The following FNBP1 variants were observed in gnomAD, a reference collection of about 807,000 sequenced individuals.
FNBP1 encodes the protein formin-binding protein 1.
FNBP1 carries 26 observed loss-of-function variants against 90.6 expected under a neutral mutation model. That is an observed-to-expected ratio of 0.29 (90% confidence interval 0.21 to 0.40). FNBP1 has a LOEUF of 0.40. FNBP1 is among the 10% of genes least tolerant of loss of function. The pLI is 1.00. For missense variants in FNBP1, 635 were observed against 768.0 expected (o/e 0.83, Z 2.05); for synonymous variants, 260 against 265.2 (o/e 0.98, Z 0.19).
chr9:130,004,747 A>C (rs772246503), intron 1 of FNBP1, among the ~76,000 whole-genome samples: 21 of 152,316 alleles, frequency 1.4e-4, no homozygotes, highest in Middle Eastern at 6.8e-3. Flanking sequence ...AAGAAGCTGC[A>C]CTTACAGAAA....
intron 1 of FNBP1, among the ~76,000 whole-genome samples, chr9:130,026,309 T>C (rs1433837761): frequency 6.6e-6 from 1 of 151,764 alleles, no homozygotes; most frequent in Non-Finnish European, 1.5e-5. Flanking sequence ...GCCTGGCCAA[T>C]GTGGCAAAAC....
intron 15 of FNBP1, among the ~76,000 whole-genome samples, chr9:129,897,225 T>C (rs934629022): frequency 6.6e-6 from 1 of 152,192 alleles, no homozygotes; most frequent in Non-Finnish European, 1.5e-5. Context: ...ATGCAGTTTG[T>C]CAATGGCGGC....
chr9:130,033,973 GC>G (rs1286715432), intron 1 of FNBP1, among the ~76,000 whole-genome samples: 1 of 145,710 alleles, frequency 6.9e-6, no homozygotes, highest in Non-Finnish European at 1.5e-5. Flanking sequence ...CAGAGATTGC[GC>G]CACCGCACTC....
chr9:129,916,645 T>C (rs2040308393), intron 10 of FNBP1, among the ~76,000 whole-genome samples: 1 of 148,136 alleles, frequency 6.8e-6, no homozygotes, highest in African/African-American at 2.5e-5. Context: ...AAAGAAAAAA[T>C]ATAATCACAC....
the FNBP1 span, chr9:130,053,291 T>C: frequency 6.6e-6 from 1 of 152,354 alleles, no homozygotes; most frequent in Non-Finnish European, 1.5e-5. Context: ...AATGACTTAT[T>C]TCTCAGAGCC....
rs1023135140 is a variant in FNBP1, at chr9:129,900,915, C to T, written c.1429-368G>A. On this transcript the variant is annotated intron_variant, in intron 13 of 16. Coordinates refer to ENST00000446176, the MANE Select transcript of FNBP1 (RefSeq NM_015033.3). The surrounding 1 kb of genome is among the most constrained non-coding windows in gnomAD (Gnocchi z 4.1). The stretch of plus-strand genomic sequence containing the variant: ...GTCTTGGATAAGTCACTTCTAGTTC[C>T]TTCTTGACCATGAGGTCGCCCTGTG... Among the ~76,000 whole-genome samples the T allele has an allele frequency of 1.3e-4, 20 of 152,196 alleles. No individual in the cohort carries two copies. Among genetic ancestry groups the T allele is most frequent in the Non-Finnish European group, 2.6e-4 (18 of 68,044 alleles).
intron 6 of FNBP1, among the ~76,000 whole-genome samples, chr9:129,949,992 G>A (rs2045926139): frequency 6.6e-6 from 1 of 152,160 alleles, no homozygotes; most frequent in South Asian, 2.1e-4. Flanking sequence ...AAAAAAAGGA[G>A]GATGCGCTGC....
chr9:129,948,107 T>C (rs1315573191), intron 6 of FNBP1, among the ~76,000 whole-genome samples: 2 of 151,518 alleles, frequency 1.3e-5, no homozygotes, highest in East Asian at 3.9e-4. Flanking sequence ...TGGGAACACA[T>C]AGGGAGACCC....
chr9:130,013,482 G>A (rs987487406), intron 1 of FNBP1, among the ~76,000 whole-genome samples: 1 of 152,194 alleles, frequency 6.6e-6, no homozygotes, highest in Admixed American at 6.5e-5. Context: ...AGGACGTGGT[G>A]TAATGGCAAC....
At chr9:129,938,887 T>A (rs1265175314) in intron 6 of FNBP1, among the ~76,000 whole-genome samples, 1 of 152,170 alleles carries the variant, frequency 6.6e-6, no homozygotes, top group Non-Finnish European at 1.5e-5. Flanking sequence ...TAAATGATGG[T>A]TTCCAAGACT....
rs539594867 is a variant in FNBP1 at position 129,928,376 on chromosome 9, C to T, written c.643-1035G>A. Among the ~76,000 whole-genome samples, 11 of 152,260 alleles carry T rather than the reference C, an allele frequency of 7.2e-5. No homozygotes were observed. The South Asian group carries it at 2.3e-3, about 32-fold the overall frequency. ...TCACAGAATCATAGTTTAAGACTGA[C>T]AAATAGGCGCTGTGGCTCACGCCTG... On this transcript the variant is annotated intron_variant, in intron 7 of 16. Coordinates refer to ENST00000446176, the MANE Select transcript of FNBP1 (RefSeq NM_015033.3).
intron 2 of FNBP1, among the ~76,000 whole-genome samples, chr9:129,991,084 C>A (rs374983846): frequency 6.6e-6 from 1 of 151,820 alleles, no homozygotes; most frequent in Admixed American, 6.6e-5. Flanking sequence ...CAGGCGCCCA[C>A]CACCACGCCT....
rs1367161186 is a variant in FNBP1 at position 129,966,955 on chromosome 9, T to A, written c.346-8402A>T. On this transcript the variant is annotated intron_variant, in intron 4 of 16. Transcript: ENST00000446176. This position sits in a 1 kb window ranked among gnomAD's most constrained non-coding sequence, Gnocchi z 4.3. ...AAATGAATTAGGAGGCTCAGCAGAG[T>A]CCTCTAGATGAGAGATAATGAGGCA... Among the ~76,000 whole-genome samples the A allele has an allele frequency of 2.0e-5, 3 of 151,730 alleles. No homozygotes were observed. Among genetic ancestry groups the A allele is most frequent in the African/African-American group, 7.3e-5 (3 of 41,286 alleles).
intron 11 of FNBP1, among the ~76,000 whole-genome samples, chr9:129,915,388 G>C (rs372160903): frequency 6.6e-6 from 1 of 152,160 alleles, no homozygotes; most frequent in Non-Finnish European, 1.5e-5. Flanking sequence ...TTTGGAGACA[G>C]AGTCTTGCTC....
chr9:130,043,081 C>G lies in FNBP1; in HGVS notation c.-106G>C, dbSNP rs890909127. 151 of 1,085,146 alleles carry G rather than the reference C, an allele frequency of 1.4e-4. No individual in the cohort carries two copies. The highest frequency in any genetic ancestry group is 1.7e-4 in the Non-Finnish European group (144 of 857,524). The allele number at this position is 1,085,146 out of a possible 1,614,324, so 67.2% of individuals were successfully genotyped here. Reference sequence around the variant, plus strand: ...GAGATCCCCGCGACGGCGGAAAGCCCGGAGTCCGCGCGGCCTCCTCCGGCT... The same window carrying G: ...GAGATCCCCGCGACGGCGGAAAGCCGGGAGTCCGCGCGGCCTCCTCCGGCT... On this transcript the variant is annotated 5_prime_UTR_variant, in exon 1 of 17. Coordinates refer to ENST00000446176, the MANE Select transcript of FNBP1 (RefSeq NM_015033.3).
At chr9:129,892,418 A>AC (rs1396983965) in intron 16 of FNBP1, among the ~76,000 whole-genome samples, 6 of 107,716 alleles carry the variant, frequency 5.6e-5, no homozygotes, top group African/African-American at 2.4e-4. Flanking sequence ...CACACACACA[A>AC]AAAGGTTGAC....
chr9:129,984,203 G>C (rs1257330233), intron 2 of FNBP1, among the ~76,000 whole-genome samples: 1 of 151,910 alleles, frequency 6.6e-6, no homozygotes, highest in South Asian at 2.1e-4. Flanking sequence ...TCCAGCCAGA[G>C]AATTGTGCTT....
At chr9:129,893,420 T>C (rs1347937429) in intron 16 of FNBP1, among the ~76,000 whole-genome samples, 1 of 142,676 alleles carries the variant, frequency 7.0e-6, no homozygotes, top group Admixed American at 7.1e-5. Flanking sequence ...CTGGCCAACA[T>C]GGTGAAAACC....
At chr9:129,943,711 G>C (rs1371010089) in intron 6 of FNBP1, among the ~76,000 whole-genome samples, 2 of 152,064 alleles carry the variant, frequency 1.3e-5, no homozygotes, top group African/African-American at 4.8e-5. Flanking sequence ...CTGCTATTGT[G>C]GTCGGGCACG....
Sources: gnomAD v4.1 joint callset for allele counts (sites outside exome capture counted in the v4.1 genomes callset) on GRCh38, gnomAD v4.1.1 for gene constraint, Gnocchi (gnomAD v3.1) non-coding constraint, MANE v1.5 for transcripts, NCBI Gene and HGNC (gene_info 2026-07-23, HGNC 2026-07-21) for gene names.